NPY1R: variants seen among roughly 807,000 people sequenced by gnomAD.
The protein encoded by NPY1R is neuropeptide Y receptor Y1.
In NPY1R, 10 loss-of-function variants were observed where a neutral mutation model predicts 24.1. The observed-to-expected ratio is 0.42, with a 90% CI of 0.26 to 0.71. The LOEUF is 0.71. NPY1R is among the 30% of genes least tolerant of loss of function. The pLI, the probability that NPY1R is intolerant of heterozygous loss-of-function variation, is 0.28. For synonymous variants in NPY1R, 168 were observed against 165.9 expected (o/e 1.01, Z -0.10); for missense variants, 350 against 458.0 (o/e 0.76, Z 2.15).
upstream of NPY1R, among the ~76,000 whole-genome samples, chr4:163,334,861 GAAAAAAA>G (rs545497813): frequency 0.011 from 711 of 66,920 alleles, 5 homozygotes; most frequent in Admixed American, 0.014. Context: ...CTCTGTTTTG[GAAAAAAA>G]AAAAAAAAAA....
intron 1 of NPY1R, among the ~76,000 whole-genome samples, chr4:163,341,190 C>T (rs1185220450): frequency 1.3e-5 from 2 of 151,596 alleles, no homozygotes; most frequent in African/African-American, 2.4e-5. Flanking sequence ...TATTACTATT[C>T]CAAAGAAATC....
At chr4:163,334,745 A>C (rs555435703), upstream of NPY1R, among the ~76,000 whole-genome samples, 1 of 151,908 alleles carries the variant, frequency 6.6e-6, no homozygotes, top group Non-Finnish European at 1.5e-5. Flanking sequence ...CTGTAATCCC[A>C]GCTACTCAGG....
At chr4:163,335,191 AT>A, upstream of NPY1R, among the ~76,000 whole-genome samples, 1 of 152,024 alleles carries the variant, frequency 6.6e-6, no homozygotes, top group Non-Finnish European at 1.5e-5. Context: ...GCTAGGGAGA[AT>A]TTTTTCTTTA....
chr4:163,328,740 C>T (rs910756984), intron 1 of NPY1R, among the ~76,000 whole-genome samples: 4 of 152,196 alleles, frequency 2.6e-5, no homozygotes, highest in Admixed American at 6.5e-5. Context: ...TATAGCTCTG[C>T]GTCTCCACCT....
chr4:163,326,652 G>A lies in NPY1R; in HGVS notation c.-98C>T. On this transcript the variant is annotated 5_prime_UTR_variant, in exon 2 of 3. Coordinates refer to ENST00000296533, the MANE Select transcript of NPY1R (RefSeq NM_000909.6). ...TCAGCTTATTCTTATTCCCCATATT[G>A]GAATCCATTTACCAAAATTATTCTG... The A allele has an allele frequency of 1.4e-6, 1 of 724,918 alleles. No homozygotes were observed. The allele number at this position is 724,918 out of a possible 1,614,324, so 44.9% of individuals were successfully genotyped here. A position where few individuals can be genotyped will look rare whatever the true frequency, so the allele number is the denominator to read the frequency against.
intron 1 of NPY1R, chr4:163,344,027 A>T (rs1311519740): frequency 1.3e-5 from 2 of 151,142 alleles, no homozygotes; most frequent in Non-Finnish European, 2.9e-5. Context: ...CTCCCTGCCA[A>T]CCCCTTTCGC....
upstream of NPY1R, among the ~76,000 whole-genome samples, chr4:163,337,779 C>G (rs71613030): frequency 6.6e-6 from 1 of 152,192 alleles, no homozygotes; most frequent in Non-Finnish European, 1.5e-5. Flanking sequence ...AACAAAATTG[C>G]TCATCTCTTT....
chr4:163,335,251 C>T (rs1727577576), upstream of NPY1R, among the ~76,000 whole-genome samples: 1 of 151,970 alleles, frequency 6.6e-6, no homozygotes, highest in Non-Finnish European at 1.5e-5. Flanking sequence ...ACCTATAAAC[C>T]AAGGGGAATT....
At position 163,325,280 on chromosome 4, in the gene NPY1R, G is replaced by A. The variant is rs771939452; in HGVS notation, c.*23C>T. 41 of 1,532,080 alleles carry A rather than the reference G, an allele frequency of 2.7e-5. No individual in the cohort carries two copies. The highest frequency in any genetic ancestry group is 2.6e-4 in the South Asian group (22 of 83,658). 94.9% of individuals were successfully genotyped at this position (1,532,080 alleles called of 1,614,324 possible). A position where few individuals can be genotyped will look rare whatever the true frequency, so the allele number is the denominator to read the frequency against. The stretch of plus-strand genomic sequence containing the variant: ...GCTTGTTTTTAAACAGATGTCATCC[G>A]GGACCATAGGCTATAAGTAGTTTCA... On this transcript the variant is annotated 3_prime_UTR_variant, in exon 3 of 3. Transcript: ENST00000296533.
In NPY1R at chr4:163,329,969, G is replaced by A. The variant is rs1387575954; in HGVS notation, c.-152+2513C>T. On this transcript the variant is annotated intron_variant, in intron 1 of 2. Transcript: ENST00000296533. ...AGCCTCTGGAGAGTCTTTGGCAAAG[G>A]TGTGAAGTTTTATGACTTTTGATTT... Among the ~76,000 whole-genome samples the A allele has an allele frequency of 2.6e-5, 4 of 152,068 alleles. No homozygotes were observed. The East Asian group carries it at 7.7e-4, about 29-fold the overall frequency.
At chr4:163,327,302 G>T (rs558097253) in intron 1 of NPY1R, among the ~76,000 whole-genome samples, 1 of 152,088 alleles carries the variant, frequency 6.6e-6, no homozygotes, top group Non-Finnish European at 1.5e-5. Flanking sequence ...TGTTTAATCC[G>T]GAAAATACTT....
At chr4:163,340,361 A>G (rs1012834291) in intron 1 of NPY1R, among the ~76,000 whole-genome samples, 1 of 151,964 alleles carries the variant, frequency 6.6e-6, no homozygotes, top group African/African-American at 2.4e-5. Context: ...ATGTAATTAA[A>G]GAATGAAGTA....
Position 163,326,082 on chromosome 4 carries a change from C to G in NPY1R, c.473G>C (p.Gly158Ala), listed in dbSNP as rs1437935809. 10 of 1,613,970 alleles carry G rather than the reference C, an allele frequency of 6.2e-6. No individual in the cohort carries two copies. The highest frequency in any genetic ancestry group is 8.5e-7 in the Non-Finnish European group (1 of 1,179,988). ...AGCAAGGACCCAAATCACAGCAATACCTACATAAGCATGTCTATTATTTGG... is the reference window on the plus strand; with the variant it reads ...AGCAAGGACCCAAATCACAGCAATAGCTACATAAGCATGTCTATTATTTGG... ...WRPNNRHAYV[G>A]IAVIWVLAVA... Residue 158 changes from glycine (G) to alanine (A), a missense_variant, in exon 2 of 3, where the codon GGT (glycine) becomes GCT (alanine). Gly to Ala is a moderately conservative substitution (Grantham distance 60). Transcript: ENST00000296533.
upstream of NPY1R, among the ~76,000 whole-genome samples, chr4:163,337,214 G>A (rs1442449704): frequency 1.3e-5 from 2 of 152,260 alleles, no homozygotes; most frequent in East Asian, 3.9e-4. Context: ...TTATGAGATT[G>A]TTTAGCTGCC....
upstream of NPY1R, among the ~76,000 whole-genome samples, chr4:163,333,497 AC>A (rs1734779938): frequency 6.6e-6 from 1 of 152,028 alleles, no homozygotes; most frequent in Admixed American, 6.5e-5. Context: ...AATTATGTAG[AC>A]GATGAACTGA....
At chr4:163,341,103 C>CA (rs199720890) in intron 1 of NPY1R, among the ~76,000 whole-genome samples, 117 of 146,860 alleles carry the variant, frequency 8.0e-4, no homozygotes, top group Middle Eastern at 6.9e-3. Context: ...TTTTTTTGTT[C>CA]AAAAAAAAAT....
At chr4:163,342,407 A>C (rs1735009244) in intron 1 of NPY1R, among the ~76,000 whole-genome samples, 1 of 152,204 alleles carries the variant, frequency 6.6e-6, no homozygotes, top group African/African-American at 2.4e-5. Flanking sequence ...TTAACCGCAG[A>C]GACAGTGGAG....
In NPY1R at chr4:163,327,047, C is replaced by T. The variant is rs113764688; in HGVS notation, c.-151-342G>A. Among the ~76,000 whole-genome samples, 13 of 152,166 alleles carry T rather than the reference C, an allele frequency of 8.5e-5. 1 individual carries two copies. Among genetic ancestry groups the T allele is most frequent in the African/African-American group, 3.1e-4 (13 of 41,528 alleles). ...GAATGTATAAAAACCACTTAATGCA[C>T]AGATTAAAACATAAGAAAAATAAAC... is the stretch of plus-strand genomic sequence containing the variant. On this transcript the variant is annotated intron_variant, in intron 1 of 2. Coordinates refer to ENST00000296533, the MANE Select transcript of NPY1R (RefSeq NM_000909.6).
At position 163,325,843 on chromosome 4, in the gene NPY1R, A is replaced by G; in HGVS notation, c.699+13T>C. 1 of 1,604,762 alleles carries G rather than the reference A, an allele frequency of 6.2e-7. No homozygotes were observed. The highest frequency in any genetic ancestry group is 8.5e-7 in the Non-Finnish European group (1 of 1,173,940). Reference sequence around the variant, plus strand: ...AGGTAAAAATGGAAATGATAGAAAAAAAGTTTTCTTACCTTGAAGTAGCAA... The same window carrying G: ...AGGTAAAAATGGAAATGATAGAAAAGAAGTTTTCTTACCTTGAAGTAGCAA... On this transcript the variant is annotated intron_variant, in intron 2 of 2. Transcript: ENST00000296533.
Sources: allele counts gnomAD v4.1 joint callset (sites outside exome capture counted in the v4.1 genomes callset), GRCh38; gene constraint gnomAD v4.1.1; transcripts MANE v1.5; gene names NCBI Gene and HGNC (gene_info 2026-07-23, HGNC 2026-07-21).